PSMA8: variants seen among roughly 807,000 people sequenced by gnomAD.
PSMA8 encodes proteasome 20S subunit alpha 8, also known as proteasome subunit alpha-type 8.
Under a neutral mutation model 32.4 loss-of-function variants are expected in PSMA8, and 18 were observed. That is an observed-to-expected ratio of 0.56 (90% CI 0.38 to 0.82). The LOEUF is 0.82. PSMA8 is among the 40% of genes least tolerant of loss of function. The pLI is 0.00. For synonymous variants in PSMA8, 104 were observed against 98.1 expected (o/e 1.06, Z -0.36); for missense variants, 298 against 300.7 (o/e 0.99, Z 0.07).
chr18:26,156,741 A>G (rs1014432753), intron 3 of PSMA8, among the ~76,000 whole-genome samples: 2 of 149,054 alleles, frequency 1.3e-5, no homozygotes, highest in South Asian at 2.1e-4. Context: ...GTGTGCATAT[A>G]TTGTATATAA....
At chr18:26,137,086 G>A (rs2054916974) in intron 1 of PSMA8, among the ~76,000 whole-genome samples, 1 of 152,206 alleles carries the variant, frequency 6.6e-6, no homozygotes, top group Non-Finnish European at 1.5e-5. Context: ...TATCATGAAT[G>A]TAGAAATCAG....
At chr18:26,188,789 CAGA>C (rs2055377551) in intron 6 of PSMA8, among the ~76,000 whole-genome samples, 1 of 152,042 alleles carries the variant, frequency 6.6e-6, no homozygotes, top group Non-Finnish European at 1.5e-5. Context: ...TATCCATATG[CAGA>C]AGAATGAAAC....
intron 1 of PSMA8, among the ~76,000 whole-genome samples, chr18:26,139,315 T>G (rs1448360818): frequency 1.3e-5 from 2 of 152,166 alleles, no homozygotes; most frequent in Non-Finnish European, 2.9e-5. Context: ...AGATCCTTAG[T>G]CCAACAACCC....
chr18:26,186,736 T>C (rs986448734), intron 6 of PSMA8, among the ~76,000 whole-genome samples: 1 of 152,240 alleles, frequency 6.6e-6, no homozygotes, highest in Non-Finnish European at 1.5e-5. Flanking sequence ...ACAACTTCAG[T>C]TTCTGGCATT....
At chr18:26,134,954 C>CG (rs2054900022) in intron 1 of PSMA8, among the ~76,000 whole-genome samples, 1 of 142,602 alleles carries the variant, frequency 7.0e-6, no homozygotes, top group Non-Finnish European at 1.5e-5. Flanking sequence ...AACTCCGTCT[C>CG]GGGAAAAAAA....
chr18:26,179,172 A>G (rs1363864425), intron 6 of PSMA8, 42 bp downstream of exon 6: 2 of 1,523,894 alleles, frequency 1.3e-6, no homozygotes, highest in Non-Finnish European at 1.8e-6. Flanking sequence ...TGTAGTATAA[A>G]GTATTTTGAC....
At chr18:26,160,229 C>G (rs1028543487) in intron 4 of PSMA8, among the ~76,000 whole-genome samples, 1 of 152,134 alleles carries the variant, frequency 6.6e-6, no homozygotes, top group African/African-American at 2.4e-5. Flanking sequence ...CACTTCAGCC[C>G]AAGAGTTTGA....
chr18:26,170,345 G>T (rs561659558), intron 4 of PSMA8, among the ~76,000 whole-genome samples: 3 of 131,616 alleles, frequency 2.3e-5, no homozygotes, highest in Non-Finnish European at 4.5e-5. Context: ...GGATATACAC[G>T]TAGGAATCTT....
chr18:26,148,355 T>A lies in PSMA8; in HGVS notation c.230-3503T>A, dbSNP rs568628813. Reference sequence around the variant, plus strand: ...ATCTATCCCTGGAGTGCAAGCATGGTTCAACATATGAAGATCAATCAATGT... The same window carrying A: ...ATCTATCCCTGGAGTGCAAGCATGGATCAACATATGAAGATCAATCAATGT... On this transcript the variant is annotated intron_variant, in intron 2 of 6. Coordinates refer to ENST00000415576, the MANE Select transcript of PSMA8 (RefSeq NM_001025096.2). Among the ~76,000 whole-genome samples the A allele has an allele frequency of 1.2e-3, 178 of 152,004 alleles. 1 individual carries two copies. Among genetic ancestry groups the A allele is most frequent in the African/African-American group, 4.0e-3 (166 of 41,516 alleles).
In PSMA8 at chr18:26,158,133, A is replaced by G; in HGVS notation, c.366A>G (p.Gln122=). The change falls in exon 4 of 7, where the codon CAA becomes CAG. Residue 122 remains glutamine, a synonymous_variant. Coordinates refer to ENST00000415576, the MANE Select transcript of PSMA8 (RefSeq NM_001025096.2). ...FIATLKQKYT[Q]SNGRRPFGIS... is the part of the protein sequence containing the mutation. ...TTTTATTTTTCTAGAAATATACCCA[A>G]AGCAATGGACGAAGACCTTTTGGTA... is the stretch of plus-strand genomic sequence containing the variant. The G allele has an allele frequency of 6.3e-7, 1 of 1,587,346 alleles. No homozygotes were observed. The highest frequency in any genetic ancestry group is 8.6e-7 in the Non-Finnish European group (1 of 1,162,244).
chr18:26,154,255 A>G (rs1475069631), intron 3 of PSMA8, among the ~76,000 whole-genome samples: 1 of 152,156 alleles, frequency 6.6e-6, no homozygotes, highest in Non-Finnish European at 1.5e-5. Flanking sequence ...TATGTATCCT[A>G]TATATGTAAG....
chr18:26,180,636 A>G (rs929484717), intron 6 of PSMA8, among the ~76,000 whole-genome samples: 3 of 151,956 alleles, frequency 2.0e-5, no homozygotes, highest in Non-Finnish European at 4.4e-5. Flanking sequence ...GGGCACAGAA[A>G]CCACTGAGGC....
At chr18:26,176,870 T>A (rs1335158539) in intron 4 of PSMA8, among the ~76,000 whole-genome samples, 1 of 152,024 alleles carries the variant, frequency 6.6e-6, no homozygotes, top group East Asian at 1.9e-4. Context: ...GAGGCAGAGG[T>A]TGCAGTGAAA....
At chr18:26,185,631 GA>G (rs2055346940) in intron 6 of PSMA8, among the ~76,000 whole-genome samples, 1 of 150,836 alleles carries the variant, frequency 6.6e-6, no homozygotes, top group Non-Finnish European at 1.5e-5. Context: ...GTTAAGCACT[GA>G]TATAGAATGG....
intron 4 of PSMA8, among the ~76,000 whole-genome samples, chr18:26,161,316 G>GA (rs1301850624): frequency 1.4e-4 from 21 of 152,180 alleles, no homozygotes; most frequent in African/African-American, 5.1e-4. Flanking sequence ...GTAGGCATGT[G>GA]AAAAATGAAT....
At chr18:26,157,999 G>C (rs1329138874) in intron 3 of PSMA8, 123 bp from the exon 4 acceptor site, 6 of 671,106 alleles carry the variant, frequency 8.9e-6, no homozygotes. Flanking sequence ...TTAGGAAAAA[G>C]ATCATTAATA....
At position 26,144,636 on chromosome 18, in the gene PSMA8, T is replaced by C. The variant is rs1337373402; in HGVS notation, c.180T>C (p.Thr60=). Residue 60 remains threonine (T), a synonymous_variant, in exon 2 of 7, where the codon ACT becomes ACC. Transcript: ENST00000415576. ...KSVAKLQDER[T]VRKICALDDH... is the part of the protein sequence containing the mutation. Reference sequence around the variant, plus strand: ...TTGCCAAGCTTCAAGATGAAAGAACTGTGAGGAAAATTTGTGCCCTTGATG... The same window carrying C: ...TTGCCAAGCTTCAAGATGAAAGAACCGTGAGGAAAATTTGTGCCCTTGATG... 6.2e-7 allele frequency: 1 copy of C among 1,613,984 alleles called. No individual in the cohort carries two copies. The highest frequency in any genetic ancestry group is 1.1e-5 in the South Asian group (1 of 91,078).
chr18:26,149,722 G>C (rs1341263862), intron 2 of PSMA8, among the ~76,000 whole-genome samples: 2 of 152,016 alleles, frequency 1.3e-5, no homozygotes, highest in African/African-American at 4.8e-5. Context: ...AGGGGAAACT[G>C]AATATTCACA....
At position 26,182,082 on chromosome 18, in the gene PSMA8, GGAA is replaced by G. The variant is rs1233763291; in HGVS notation, c.660+2959_660+2961del. On this transcript the variant is annotated intron_variant, in intron 6 of 6. Transcript: ENST00000415576. ...TGAAGGCTGAGAGGGGTGAGGAAGC[GGAA>G]GAAGAAAAGGCTGGAGCTAACAGAG... 7.2e-5 allele frequency among the ~76,000 whole-genome samples: 11 copies of G among 152,282 alleles called. No homozygotes were observed. In the East Asian group the frequency reaches 1.9e-3, roughly 27 times the overall value.
Sources: gnomAD v4.1 joint callset for allele counts (sites outside exome capture counted in the v4.1 genomes callset) on GRCh38, gnomAD v4.1.1 for gene constraint, MANE v1.5 for transcripts, NCBI Gene and HGNC (gene_info 2026-07-23, HGNC 2026-07-21) for gene names.